The following PRICKLE1 variants were observed in gnomAD, a reference collection of about 807,000 sequenced individuals.
The protein encoded by PRICKLE1 is prickle-like protein 1.
Under a neutral mutation model 70.2 loss-of-function variants are expected in PRICKLE1, and 14 were observed. The ratio of observed to expected loss-of-function variants is 0.20; its 90% CI spans 0.13 to 0.31. The LOEUF (loss-of-function observed/expected upper bound fraction) is 0.31. PRICKLE1 is among the 10% of genes least tolerant of loss of function. PRICKLE1 has a pLI of 1.00. For missense variants in PRICKLE1, 821 were observed against 1,026.2 expected, an observed-to-expected ratio of 0.80 and a Z score of 2.73; for synonymous variants, 357 against 379.9, an observed-to-expected ratio of 0.94 and a Z score of 0.70.
At chr12:42,487,792 T>G (rs1669915) in intron 1 of PRICKLE1, among the ~76,000 whole-genome samples, 116,460 of 152,112 alleles carry the variant, frequency 0.77, 44,849 homozygotes, top group Middle Eastern at 0.84. Context: ...ACACCTATAA[T>G]CCCGGCACTT....
Position 42,535,323 on chromosome 12 carries a change from G to A in PRICKLE1, c.-49+54142C>T, listed in dbSNP as rs150489430. Among the ~76,000 whole-genome samples, 658 of 152,298 alleles carry A rather than the reference G, an allele frequency of 4.3e-3. 5 individuals are homozygous for A. Among genetic ancestry groups the A allele is most frequent in the African/African-American group, 0.015 (606 of 41,564 alleles). On this transcript the variant is annotated intron_variant, in intron 1 of 7. Coordinates refer to ENST00000345127, the MANE Select transcript of PRICKLE1 (RefSeq NM_153026.3). ...TCACAAAACATATAGATTCCACCACGCTAGCACAAGATTTAGTCCTGGACT... is the reference window on the plus strand; with the variant it reads ...TCACAAAACATATAGATTCCACCACACTAGCACAAGATTTAGTCCTGGACT...
intron 1 of PRICKLE1, among the ~76,000 whole-genome samples, chr12:42,563,849 G>A (rs563897792): frequency 6.6e-6 from 1 of 151,602 alleles, no homozygotes; most frequent in African/African-American, 2.4e-5. Context: ...GACATTTTTC[G>A]AGTACAATGG....
intron 2 of PRICKLE1, 109 bp downstream of exon 2, chr12:42,472,276 G>T: frequency 8.4e-7 from 1 of 1,190,580 alleles, no homozygotes; most frequent in East Asian, 2.5e-5. Context: ...ACTGAGGAGG[G>T]TGGTATTCCA....
intron 1 of PRICKLE1, among the ~76,000 whole-genome samples, chr12:42,506,729 T>C (rs1352574316): frequency 1.3e-5 from 2 of 151,708 alleles, no homozygotes; most frequent in East Asian, 3.9e-4. Context: ...CCCACCACCA[T>C]GCCCGGCTAA....
rs542436321 is a variant in PRICKLE1 at position 42,563,614 on chromosome 12, A to C, written c.-49+25851T>G. Among the ~76,000 whole-genome samples the C allele has an allele frequency of 5.0e-3, 752 of 149,092 alleles. 9 individuals carry two copies. Among genetic ancestry groups the C allele is most frequent in the African/African-American group, 0.017 (705 of 40,618 alleles). ...GCTACTCAGGAGGCTGAGGCAGGAGAATGGTGTGAACCTGGGAGGCGGAGC... is the reference window on the plus strand; with the variant it reads ...GCTACTCAGGAGGCTGAGGCAGGAGCATGGTGTGAACCTGGGAGGCGGAGC... On this transcript the variant is annotated intron_variant, in intron 1 of 7. Coordinates refer to ENST00000345127, the MANE Select transcript of PRICKLE1 (RefSeq NM_153026.3).
Position 42,464,621 on chromosome 12 carries a change from C to G in PRICKLE1, c.1413G>C (p.Met471Ile). The stretch of plus-strand genomic sequence containing the variant: ...GTCCATCTTGTGACTGTGCCCAGTA[C>G]ATATCAGACTGGTATTTTTTACTTG... Reference protein sequence around the residue: ...SLASKKYQSDMYWAQSQDGLG... With the variant: ...SLASKKYQSDIYWAQSQDGLG... Residue 471 changes from methionine (M) to isoleucine (I), a missense_variant, in exon 7 of 8, where the codon ATG becomes ATC. By Grantham distance (10) the Met-to-Ile change is conservative. Coordinates refer to ENST00000345127, the MANE Select transcript of PRICKLE1 (RefSeq NM_153026.3). The surrounding 1 kb of genome is among the most constrained non-coding windows in gnomAD (Gnocchi z 4.2). 2 of 1,613,966 alleles carry G rather than the reference C, an allele frequency of 1.2e-6. No homozygotes were observed. The highest frequency in any genetic ancestry group is 1.7e-6 in the Non-Finnish European group (2 of 1,180,006).
At chr12:42,553,899 T>C (rs1248748787) in intron 1 of PRICKLE1, among the ~76,000 whole-genome samples, 1 of 152,036 alleles carries the variant, frequency 6.6e-6, no homozygotes. Flanking sequence ...GGTCAGAAGT[T>C]AGAGACCAGC....
intron 1 of PRICKLE1, among the ~76,000 whole-genome samples, chr12:42,566,723 T>C (rs561967080): frequency 4.4e-4 from 67 of 152,318 alleles, no homozygotes; most frequent in Non-Finnish European, 8.4e-4. Flanking sequence ...CTTCCATTCA[T>C]CAAACATTTT....
chr12:42,577,637 A>C (rs1282659360), intron 1 of PRICKLE1, among the ~76,000 whole-genome samples: 2 of 152,306 alleles, frequency 1.3e-5, no homozygotes, highest in East Asian at 3.9e-4. Context: ...TGAGCTTAAA[A>C]AATCATCAGC....
At chr12:42,489,109 G>T (rs145638123) in intron 1 of PRICKLE1, among the ~76,000 whole-genome samples, 5,804 of 151,212 alleles carry the variant, frequency 0.038, 370 homozygotes, top group African/African-American at 0.13. Context: ...TTTTAGTAGA[G>T]ATGGGGTTTC....
At chr12:42,524,133 T>C (rs919581674) in intron 1 of PRICKLE1, among the ~76,000 whole-genome samples, 2 of 152,230 alleles carry the variant, frequency 1.3e-5, no homozygotes, top group Non-Finnish European at 2.9e-5. Context: ...AGCAAGCACA[T>C]GTACAAGCCA....
chr12:42,556,143 T>C (rs1300715891), intron 1 of PRICKLE1, among the ~76,000 whole-genome samples: 2 of 152,196 alleles, frequency 1.3e-5, no homozygotes, highest in Non-Finnish European at 2.9e-5. Flanking sequence ...AGCAATTGAT[T>C]GTTGAATTTG....
rs1289872571 is a variant in PRICKLE1, at chr12:42,472,398, A to T, written c.119T>A (p.Leu40Gln). ...LEEYAWVPPG[L>Q]RPEQIQLYFA... is the part of the protein sequence containing the mutation. ...TGAAGTTCCTACCTGCTCTGGTCTC[A>T]GGCCCGGGGGGACCCAGGCGTACTC... The change falls in exon 2 of 8, where the codon CTG (leucine) becomes CAG (glutamine). Residue 40 changes from leucine (L) to glutamine (Q), a missense_variant. Physicochemically the swap from Leu to Gln is moderately radical, Grantham distance 113. Transcript: ENST00000345127. 6.2e-7 allele frequency: 1 copy of T among 1,614,120 alleles called. No homozygotes were observed.
At chr12:42,505,901 T>G (rs1939399981) in intron 1 of PRICKLE1, among the ~76,000 whole-genome samples, 1 of 152,230 alleles carries the variant, frequency 6.6e-6, no homozygotes, top group African/African-American at 2.4e-5. Flanking sequence ...GCATTTAATG[T>G]AGTCTCCATA....
chr12:42,544,528 C>T (rs553012893), intron 1 of PRICKLE1, among the ~76,000 whole-genome samples: 2 of 152,224 alleles, frequency 1.3e-5, no homozygotes, highest in South Asian at 2.1e-4. Context: ...CATTTATGGA[C>T]CTAACTTCAG....
chr12:42,496,351 T>C (rs575288351), intron 1 of PRICKLE1, among the ~76,000 whole-genome samples: 1 of 152,360 alleles, frequency 6.6e-6, no homozygotes, highest in South Asian at 2.1e-4. Context: ...AGAAGCCATA[T>C]GGATGTTGTT....
chr12:42,460,177 C>G lies in PRICKLE1; in HGVS notation c.2128G>C (p.Glu710Gln). 1 of 1,614,038 alleles carries G rather than the reference C, an allele frequency of 6.2e-7. No homozygotes were observed. Reference protein sequence around the residue: ...RLRLYTPDNYEKFIQNKSARE... With the variant: ...RLRLYTPDNYQKFIQNKSARE... ...GCACTTTTATTCTGTATAAATTTCT[C>G]ATAGTTATCGGGGGTGTACAGCCGC... Residue 710 changes from glutamate to glutamine, a missense_variant, in exon 8 of 8, where the codon GAG (glutamate) becomes CAG (glutamine). Transcript: ENST00000345127.
At chr12:42,501,520 AAAAAAAAAAAG>A (rs1939308304) in intron 1 of PRICKLE1, among the ~76,000 whole-genome samples, 1 of 141,128 alleles carries the variant, frequency 7.1e-6, no homozygotes, top group Non-Finnish European at 1.5e-5. Flanking sequence ...AAAAAAAAAA[AAAAAAAAAAAG>A]AAAAGAAAAG....
chr12:42,464,757 C>T lies in PRICKLE1; in HGVS notation c.1277G>A (p.Ser426Asn). The change falls in exon 7 of 8, where the codon AGC becomes AAC. Residue 426 changes from serine (S) to asparagine (N), a missense_variant. Ser to Asn is a conservative substitution (Grantham distance 46, BLOSUM62 1). Coordinates refer to ENST00000345127, the MANE Select transcript of PRICKLE1 (RefSeq NM_153026.3). The surrounding 1 kb of genome is among the most constrained non-coding windows in gnomAD (Gnocchi z 4.2). Reference protein sequence around the residue: ...TQLLLKFGDKSLFQPQPNEMD... With the variant: ...TQLLLKFGDKNLFQPQPNEMD... ...CTCATTGGGCTGTGGCTGAAAGAGG[C>T]TTTTATCACCAAACTTGAGGAGGAG... 3.1e-6 allele frequency: 5 copies of T among 1,614,040 alleles called. No individual in the cohort carries two copies. Among genetic ancestry groups the T allele is most frequent in the Non-Finnish European group, 4.2e-6 (5 of 1,180,002 alleles).
Sources: allele counts gnomAD v4.1 joint callset (sites outside exome capture counted in the v4.1 genomes callset), GRCh38; gene constraint gnomAD v4.1.1; non-coding constraint Gnocchi (gnomAD v3.1); transcripts MANE v1.5; gene names NCBI Gene and HGNC (gene_info 2026-07-23, HGNC 2026-07-21).